Variants in PDE1C observed in about 807,000 individuals in gnomAD.
PDE1C encodes the protein dual specificity calcium/calmodulin-dependent 3',5'-cyclic nucleotide phosphodiesterase 1C.
In PDE1C, 62 loss-of-function variants were observed where a neutral mutation model predicts 93.1. The ratio of observed to expected loss-of-function variants is 0.67; its 90% CI spans 0.54 to 0.82. The LOEUF (loss-of-function observed/expected upper bound fraction) is 0.82. Ranked by LOEUF, PDE1C falls within the 40% of genes least tolerant of loss-of-function variation. PDE1C has a pLI of 0.00. For synonymous variants in PDE1C, 325 were observed against 310.1 expected, an observed-to-expected ratio of 1.05 and a Z score of -0.50; for missense variants, 742 against 884.6, an observed-to-expected ratio of 0.84 and a Z score of 2.04.
chr7:31,660,023 T>C, the PDE1C span, among the ~76,000 whole-genome samples: 26 of 152,176 alleles, frequency 1.7e-4, no homozygotes, highest in Non-Finnish European at 3.5e-4. Context: ...AATCTCATGA[T>C]GGTTTTATAA....
At chr7:31,811,837 G>A (rs765998590) in intron 15 of PDE1C, among the ~76,000 whole-genome samples, 2 of 152,088 alleles carry the variant, frequency 1.3e-5, no homozygotes, top group Non-Finnish European at 2.9e-5. Flanking sequence ...AAGATTAGAA[G>A]ATCCTGTCAC....
chr7:32,038,917 C>T (rs1272054544), intron 2 of PDE1C, among the ~76,000 whole-genome samples: 1 of 152,140 alleles, frequency 6.6e-6, no homozygotes, highest in Non-Finnish European at 1.5e-5. Context: ...TGTCAGATCT[C>T]AAAATCATGC....
intron 1 of PDE1C, among the ~76,000 whole-genome samples, chr7:32,354,018 T>A (rs1236516527): frequency 6.6e-6 from 1 of 152,174 alleles, no homozygotes; most frequent in Non-Finnish European, 1.5e-5. Context: ...ACAGGAGAAC[T>A]TTTGGCATAT....
intron 2 of PDE1C, among the ~76,000 whole-genome samples, chr7:32,044,685 A>T (rs1563242497): frequency 6.6e-6 from 1 of 152,158 alleles, no homozygotes; most frequent in East Asian, 1.9e-4. Context: ...TCCGTTAGGG[A>T]CCCATTGATC....
At chr7:31,834,536 A>T (rs1256550405) in intron 11 of PDE1C, among the ~76,000 whole-genome samples, 1 of 152,166 alleles carries the variant, frequency 6.6e-6, no homozygotes, top group Non-Finnish European at 1.5e-5. Context: ...TAGAGTCAAA[A>T]GGAGATCATT....
At chr7:31,844,069 C>A (rs1057055824) in intron 9 of PDE1C, among the ~76,000 whole-genome samples, 2 of 151,684 alleles carry the variant, frequency 1.3e-5, no homozygotes, top group African/African-American at 4.8e-5. Context: ...ACATACAAAC[C>A]TCATGAGATG....
intron 2 of PDE1C, among the ~76,000 whole-genome samples, chr7:31,935,986 C>T (rs1462045957): frequency 1.3e-5 from 2 of 152,132 alleles, no homozygotes. Flanking sequence ...CCACTTCCCA[C>T]AGGGGAACAT....
chr7:32,214,309 G>A (rs1806266668), intron 1 of PDE1C, among the ~76,000 whole-genome samples: 1 of 152,078 alleles, frequency 6.6e-6, no homozygotes, highest in African/African-American at 2.4e-5. Flanking sequence ...AGTCCAAGAG[G>A]GCTCCTTGTA....
chr7:32,089,315 A>G (rs1797322399), intron 3 of PDE1C, among the ~76,000 whole-genome samples: 1 of 152,214 alleles, frequency 6.6e-6, no homozygotes, highest in South Asian at 2.1e-4. Flanking sequence ...AGGTAGTAGA[A>G]GTGGATTTGA....
intron 1 of PDE1C, among the ~76,000 whole-genome samples, chr7:32,325,021 G>A (rs1219509166): frequency 6.6e-6 from 1 of 152,144 alleles, no homozygotes. Flanking sequence ...TTTGACCAAG[G>A]AACCTTCTTG....
chr7:32,036,077 C>T (rs1165570204), intron 2 of PDE1C, among the ~76,000 whole-genome samples: 6 of 152,144 alleles, frequency 3.9e-5, no homozygotes, highest in Non-Finnish European at 5.9e-5. Context: ...CTCACAGGTA[C>T]CACACTTTTT....
At chr7:32,304,433 G>C (rs1222358754) in intron 1 of PDE1C, among the ~76,000 whole-genome samples, 4 of 152,152 alleles carry the variant, frequency 2.6e-5, no homozygotes, top group South Asian at 4.1e-4. Context: ...GATGGGATTG[G>C]GGTAGGACAG....
At chr7:32,090,455 C>A (rs1389874438) in intron 3 of PDE1C, among the ~76,000 whole-genome samples, 1 of 152,170 alleles carries the variant, frequency 6.6e-6, no homozygotes, top group South Asian at 2.1e-4. Flanking sequence ...TTGACATGCG[C>A]GGGCTTTCTT....
chr7:32,287,313 C>G (rs891048531), intron 1 of PDE1C, among the ~76,000 whole-genome samples: 6 of 152,192 alleles, frequency 3.9e-5, no homozygotes, highest in African/African-American at 1.4e-4. Context: ...CCCTCAATAG[C>G]CCATCTCCTC....
chr7:32,390,777 T>C (rs1235612447), intron 1 of PDE1C, among the ~76,000 whole-genome samples: 1 of 151,956 alleles, frequency 6.6e-6, no homozygotes, highest in Non-Finnish European at 1.5e-5. Context: ...TGCTTGAGCC[T>C]GGGAGGTCGA....
chr7:32,201,191 T>G (rs1804985969), intron 2 of PDE1C, among the ~76,000 whole-genome samples: 1 of 152,250 alleles, frequency 6.6e-6, no homozygotes, highest in Non-Finnish European at 1.5e-5. Context: ...TTAAAACATT[T>G]CACTCAGCAT....
At chr7:31,987,057 G>T (rs1783509947) in intron 2 of PDE1C, among the ~76,000 whole-genome samples, 1 of 152,024 alleles carries the variant, frequency 6.6e-6, no homozygotes, top group South Asian at 2.1e-4. Context: ...AGAACTACTT[G>T]AATTCTATTG....
At chr7:31,793,459 G>A (rs566891537) in intron 16 of PDE1C, among the ~76,000 whole-genome samples, 8 of 151,952 alleles carry the variant, frequency 5.3e-5, no homozygotes, top group Non-Finnish European at 1.0e-4. Flanking sequence ...AGAGAGAGAT[G>A]GGGTTCAAAA....
chr7:31,658,207 G>T, the PDE1C span: 1 of 1,404,362 alleles, frequency 7.1e-7, no homozygotes, highest in Admixed American at 2.7e-5. Context: ...TTAGCCCACA[G>T]AAGAACACTT....
Sources: gnomAD v4.1 joint callset for allele counts (sites outside exome capture counted in the v4.1 genomes callset) on GRCh38, gnomAD v4.1.1 for gene constraint, MANE v1.5 for transcripts, NCBI Gene and HGNC (gene_info 2026-07-23, HGNC 2026-07-21) for gene names.